Variants in BTBD9 observed in about 807,000 individuals in gnomAD.
BTBD9 encodes the protein BTB/POZ domain-containing protein 9.
In BTBD9, 49 loss-of-function variants were observed where a neutral mutation model predicts 64.3. The observed-to-expected ratio is 0.76, with a 90% confidence interval of 0.61 to 0.97. BTBD9 has a LOEUF of 0.97. BTBD9 is among the 50% of genes least tolerant of loss of function. The pLI, the probability that BTBD9 is intolerant of heterozygous loss-of-function variation, is 0.00. For synonymous variants in BTBD9, 260 were observed against 274.7 expected (o/e 0.95, Z 0.53); for missense variants, 598 against 762.1 (o/e 0.78, Z 2.53).
intron 6 of BTBD9, among the ~76,000 whole-genome samples, chr6:38,356,178 T>C (rs1764722575): frequency 1.3e-5 from 2 of 152,168 alleles, no homozygotes; most frequent in African/African-American, 2.4e-5. Flanking sequence ...ATGACAATGA[T>C]GACGTGACTT....
intron 6 of BTBD9, among the ~76,000 whole-genome samples, chr6:38,472,073 G>A (rs1025849041): frequency 5.3e-5 from 8 of 152,126 alleles, no homozygotes; most frequent in African/African-American, 1.7e-4. Context: ...TTTCTGCAAA[G>A]TGCTCTGAAA....
At chr6:38,345,226 A>C in intron 6 of BTBD9, 133 bp from the exon 7 acceptor site, 1 of 518,864 alleles carries the variant, frequency 1.9e-6, no homozygotes, top group Non-Finnish European at 3.5e-6. Context: ...TCTGAGCTTG[A>C]CTTCAGACTC....
chr6:38,459,557 G>A (rs936631651), intron 6 of BTBD9, among the ~76,000 whole-genome samples: 1 of 152,214 alleles, frequency 6.6e-6, no homozygotes, highest in African/African-American at 2.4e-5. Context: ...ACAGCTATAA[G>A]AGGATAGAGC....
At chr6:38,492,793 C>T (rs2127392637) in intron 6 of BTBD9, among the ~76,000 whole-genome samples, 1 of 152,132 alleles carries the variant, frequency 6.6e-6, no homozygotes, top group Admixed American at 6.5e-5. Context: ...GCATTTTGCT[C>T]TAAATTAAAT....
chr6:38,602,505 C>G (rs1390225449), intron 1 of BTBD9, among the ~76,000 whole-genome samples: 1 of 151,804 alleles, frequency 6.6e-6, no homozygotes, highest in African/African-American at 2.4e-5. Flanking sequence ...AAAAAATACA[C>G]TGAAAAAGCA....
chr6:38,284,094 G>A (rs1288403495), intron 8 of BTBD9, among the ~76,000 whole-genome samples: 1 of 152,032 alleles, frequency 6.6e-6, no homozygotes, highest in Admixed American at 6.5e-5. Context: ...GGCAAATGCA[G>A]TTCCTGACAA....
chr6:38,521,597 AT>A (rs1773273549), intron 6 of BTBD9, among the ~76,000 whole-genome samples: 2 of 152,150 alleles, frequency 1.3e-5, no homozygotes, highest in Non-Finnish European at 2.9e-5. Context: ...CAGATTTCAG[AT>A]TTTCAGATGT....
chr6:38,369,466 T>C (rs1159643958), intron 6 of BTBD9, among the ~76,000 whole-genome samples: 1 of 152,182 alleles, frequency 6.6e-6, no homozygotes, highest in East Asian at 1.9e-4. Flanking sequence ...CTAATATCCA[T>C]CTGAGGACAG....
rs944636120 is a variant in BTBD9, at chr6:38,170,601, G to A, written c.*4384C>T. The stretch of plus-strand genomic sequence containing the variant: ...TGGATCCGTGTCAGCGAGAGAGATG[G>A]GGGCATTCCAGTTGTCCTGCATGCC... On this transcript the variant is annotated 3_prime_UTR_variant, in exon 11 of 11. Transcript: ENST00000481247. 1 of 152,220 alleles carries A rather than the reference G, an allele frequency of 6.6e-6. No individual in the cohort carries two copies. Among genetic ancestry groups the A allele is most frequent in the Non-Finnish European group, 1.5e-5 (1 of 68,052 alleles). The allele number at this position is 152,220 out of a possible 1,614,324, so 9.4% of individuals were successfully genotyped here.
intron 6 of BTBD9, among the ~76,000 whole-genome samples, chr6:38,353,493 C>A (rs1764604042): frequency 6.6e-6 from 1 of 152,030 alleles, no homozygotes; most frequent in Admixed American, 6.5e-5. Flanking sequence ...ACAAACCAAC[C>A]CCTTCTCCGT....
intron 6 of BTBD9, among the ~76,000 whole-genome samples, chr6:38,485,869 A>G (rs1486286224): frequency 6.6e-6 from 1 of 152,162 alleles, no homozygotes; most frequent in East Asian, 1.9e-4. Context: ...TCCAGCTATT[A>G]AAGTCCTGGG....
intron 8 of BTBD9, among the ~76,000 whole-genome samples, chr6:38,285,126 G>C (rs561380009): frequency 6.6e-6 from 1 of 152,142 alleles, no homozygotes; most frequent in African/African-American, 2.4e-5. Context: ...TGAGAGAAGG[G>C]TGTGGCCATA....
At chr6:38,578,451 T>G (rs1264691450) in intron 5 of BTBD9, among the ~76,000 whole-genome samples, 1 of 152,192 alleles carries the variant, frequency 6.6e-6, no homozygotes, top group Non-Finnish European at 1.5e-5. Flanking sequence ...ATAAGCCAAA[T>G]TTAAATTTGA....
At chr6:38,390,273 T>C (rs763078458) in intron 6 of BTBD9, among the ~76,000 whole-genome samples, 2 of 152,154 alleles carry the variant, frequency 1.3e-5, no homozygotes, top group Non-Finnish European at 2.9e-5. Flanking sequence ...GTAGTAGAGA[T>C]GAGGTTTCAC....
At chr6:38,369,599 A>C (rs555910917) in intron 6 of BTBD9, among the ~76,000 whole-genome samples, 1 of 152,354 alleles carries the variant, frequency 6.6e-6, no homozygotes, top group South Asian at 2.1e-4. Context: ...AACTTCTCTG[A>C]AAAGTAATTT....
chr6:38,563,031 A>G (rs1025771456), intron 6 of BTBD9, among the ~76,000 whole-genome samples: 1 of 152,066 alleles, frequency 6.6e-6, no homozygotes, highest in African/African-American at 2.4e-5. Flanking sequence ...GCCACTGATG[A>G]CCTGTCCCTC....
intron 6 of BTBD9, among the ~76,000 whole-genome samples, chr6:38,563,259 T>C (rs1023625543): frequency 1.3e-5 from 2 of 152,198 alleles, no homozygotes; most frequent in Admixed American, 6.5e-5. Context: ...ACAACAACTC[T>C]TAAGTTTCTA....
Position 38,257,814 on chromosome 6 carries a change from G to A in BTBD9, c.1455-1298C>T, listed in dbSNP as rs374627357. Among the ~76,000 whole-genome samples, 13 of 152,196 alleles carry A rather than the reference G, an allele frequency of 8.5e-5. No homozygotes were observed. The East Asian group carries it at 2.1e-3, about 25-fold the overall frequency. On this transcript the variant is annotated intron_variant, in intron 8 of 10. Transcript: ENST00000481247. ...ATCAGAACAGTGGTTAGTTCTGGGG[G>A]AGGTATCGACTAGGAAAGGGTAAAA...
intron 6 of BTBD9, among the ~76,000 whole-genome samples, chr6:38,365,417 A>G (rs1348319566): frequency 6.6e-6 from 1 of 152,164 alleles, no homozygotes; most frequent in Non-Finnish European, 1.5e-5. Context: ...GGTACCATCC[A>G]TACCAGCAAG....
Sources: gnomAD v4.1 joint callset for allele counts (sites outside exome capture counted in the v4.1 genomes callset) on GRCh38, gnomAD v4.1.1 for gene constraint, MANE v1.5 for transcripts, NCBI Gene and HGNC (gene_info 2026-07-23, HGNC 2026-07-21) for gene names.